DNAH14: variants seen among roughly 807,000 people sequenced by gnomAD.
The protein encoded by DNAH14 is axonemal beta dynein heavy chain 14.
In DNAH14, 478 loss-of-function variants were observed where a neutral mutation model predicts 520.9. The observed-to-expected ratio is 0.92, with a 90% CI of 0.85 to 0.99. DNAH14 has a LOEUF of 0.99. Among genes scored for constraint, DNAH14 ranks in the 50% least tolerant of loss-of-function variants. DNAH14 has a pLI of 0.00. For synonymous variants in DNAH14, 1,581 were observed against 1,757.2 expected, an observed-to-expected ratio of 0.90 and a Z score of 2.51; for missense variants, 4,831 against 5,234.5, an observed-to-expected ratio of 0.92 and a Z score of 2.38.
intron 21 of DNAH14, among the ~76,000 whole-genome samples, chr1:225,091,785 G>A (rs1330424267): frequency 6.6e-6 from 1 of 152,034 alleles, no homozygotes; most frequent in Admixed American, 6.6e-5. Context: ...AGAGTGGCAA[G>A]TTGGATAAAT....
intron 8 of DNAH14, among the ~76,000 whole-genome samples, chr1:224,993,628 C>G (rs1324677916): frequency 6.6e-6 from 1 of 151,638 alleles, no homozygotes; most frequent in Non-Finnish European, 1.5e-5. Context: ...TAAAAAAAAC[C>G]TAACTCTTAG....
chr1:225,181,028 C>T (rs1439998732), intron 36 of DNAH14, among the ~76,000 whole-genome samples: 1 of 152,096 alleles, frequency 6.6e-6, no homozygotes, highest in Non-Finnish European at 1.5e-5. Context: ...CAAATTTCTG[C>T]CCATGTGTAC....
At chr1:225,170,372 C>T (rs867780151) in intron 36 of DNAH14, among the ~76,000 whole-genome samples, 3 of 152,062 alleles carry the variant, frequency 2.0e-5, no homozygotes, top group Admixed American at 6.6e-5. Flanking sequence ...ATTCAGGAGA[C>T]CCATCTCACG....
chr1:225,291,792 A>C (rs1258161391), intron 55 of DNAH14, among the ~76,000 whole-genome samples: 5 of 152,096 alleles, frequency 3.3e-5, no homozygotes, highest in Non-Finnish European at 5.9e-5. Context: ...GTGATAGCTT[A>C]TCATGGTTTT....
intron 78 of DNAH14, 99 bp downstream of exon 78, chr1:225,374,984 T>G: frequency 8.7e-7 from 1 of 1,147,738 alleles, no homozygotes; most frequent in Non-Finnish European, 1.2e-6. Context: ...TGATGTTCAT[T>G]TTTAAAGGCT....
intron 41 of DNAH14, among the ~76,000 whole-genome samples, chr1:225,222,030 TGCTGA>T (rs1558070763): frequency 6.6e-6 from 1 of 152,154 alleles, no homozygotes; most frequent in Admixed American, 6.5e-5. Context: ...TTTTTGGTGG[TGCTGA>T]GCTGTGTGGT....
At chr1:225,093,459 A>G (rs983131347) in intron 21 of DNAH14, among the ~76,000 whole-genome samples, 32 of 152,288 alleles carry the variant, frequency 2.1e-4, no homozygotes, top group Admixed American at 1.7e-3. Context: ...CCCTCAACAA[A>G]CTAGGCTTTC....
At chr1:224,949,648 C>G (rs1191595412) in intron 1 of DNAH14, among the ~76,000 whole-genome samples, 1 of 152,146 alleles carries the variant, frequency 6.6e-6, no homozygotes, top group Non-Finnish European at 1.5e-5. Context: ...GTCAACCACA[C>G]TATTCTTTAT....
intron 1 of DNAH14, among the ~76,000 whole-genome samples, chr1:224,930,085 C>G (rs1369037438): frequency 6.6e-6 from 1 of 152,218 alleles, no homozygotes; most frequent in Non-Finnish European, 1.5e-5. Flanking sequence ...ACGCGAGGTT[C>G]TTCTTAGTTG....
intron 10 of DNAH14, among the ~76,000 whole-genome samples, chr1:225,020,371 T>G (rs2065572796): frequency 6.6e-6 from 1 of 151,292 alleles, no homozygotes; most frequent in South Asian, 2.1e-4. Context: ...GTGGCATGTG[T>G]CTGTAGTTTC....
rs570296060 is a variant in DNAH14 at position 225,337,355 on chromosome 1, G to A, written c.10170G>A (p.Leu3390=). The A allele has an allele frequency of 5.2e-6, 8 of 1,551,676 alleles. No homozygotes were observed. In the Admixed American group the frequency reaches 1.4e-4, roughly 27 times the overall value. Residue 3390 remains leucine, a synonymous_variant, in exon 67 of 86, where the codon CTG becomes CTA. Transcript: ENST00000682510. ...TCAAGAATGGCCAGCAGTGGCCACTGCTGATTGACCCACATAGGCAAGCTC... is the reference window on the plus strand; with the variant it reads ...TCAAGAATGGCCAGCAGTGGCCACTACTGATTGACCCACATAGGCAAGCTC... ...ILIKNGQQWP[L]LIDPHRQAHK...
intron 17 of DNAH14, among the ~76,000 whole-genome samples, chr1:225,053,262 G>C (rs2068714134): frequency 6.6e-6 from 1 of 151,846 alleles, no homozygotes; most frequent in Non-Finnish European, 1.5e-5. Context: ...CACGAAATGG[G>C]GACAGCAAGG....
At chr1:225,276,939 GA>G (rs1164770424) in intron 53 of DNAH14, among the ~76,000 whole-genome samples, 1 of 97,864 alleles carries the variant, frequency 1.0e-5, no homozygotes, top group Non-Finnish European at 2.0e-5. Context: ...ATAAGAAGAA[GA>G]AAAAGGAAGG....
chr1:225,271,150 A>C (rs1430431895), intron 50 of DNAH14, among the ~76,000 whole-genome samples: 1 of 152,196 alleles, frequency 6.6e-6, no homozygotes, highest in Non-Finnish European at 1.5e-5. Flanking sequence ...CCTGGCATGT[A>C]GGAATCTGCA....
intron 23 of DNAH14, among the ~76,000 whole-genome samples, chr1:225,108,412 C>A (rs2076249068): frequency 6.6e-6 from 1 of 152,112 alleles, no homozygotes; most frequent in African/African-American, 2.4e-5. Context: ...TAATAAACTC[C>A]CTTTCATATA....
chr1:225,252,499 AT>A (rs2092592371), intron 44 of DNAH14, 82 bp downstream of exon 44: 1 of 763,754 alleles, frequency 1.3e-6, no homozygotes, highest in African/African-American at 1.8e-5. Context: ...TATCTACTCT[AT>A]TTATAAAAGT....
chr1:225,132,482 T>C (rs2078528478), intron 27 of DNAH14, among the ~76,000 whole-genome samples: 2 of 152,158 alleles, frequency 1.3e-5, no homozygotes, highest in Admixed American at 1.3e-4. Context: ...TGGTTTTCTG[T>C]TCCTGCATTA....
intron 65 of DNAH14, among the ~76,000 whole-genome samples, chr1:225,332,422 G>A (rs545415411): frequency 5.7e-4 from 87 of 152,116 alleles, no homozygotes; most frequent in Non-Finnish European, 1.1e-3. Flanking sequence ...TGCTTAACAT[G>A]CTTTATTTAT....
rs754737687 is a variant in DNAH14 at position 225,377,291 on chromosome 1, C to T, written c.12571C>T (p.Gln4191Ter). Reference protein sequence around the residue: ...ASIKDYIHIIQSLPDDDLPEV... With the variant: ...ASIKDYIHII ...CATAAAGGACTACATACACATTATC[C>T]AGTCCTTACCTGATGATGACCTTCC... is the stretch of plus-strand genomic sequence containing the variant. The change falls in exon 79 of 86, where the codon CAG (glutamine) becomes TAG (stop). Residue 4191 changes from glutamine (Q) to a stop codon, truncating the protein, a stop_gained. Coordinates refer to ENST00000682510, the MANE Select transcript of DNAH14 (RefSeq NM_001367479.1). LOFTEE classifies it high-confidence loss of function. 22 of 1,542,040 alleles carry T rather than the reference C, an allele frequency of 1.4e-5. No homozygotes were observed. The highest frequency in any genetic ancestry group is 1.8e-5 in the Non-Finnish European group (20 of 1,142,496).
Sources: allele counts gnomAD v4.1 joint callset (sites outside exome capture counted in the v4.1 genomes callset), GRCh38; gene constraint gnomAD v4.1.1; transcripts MANE v1.5; gene names NCBI Gene and HGNC (gene_info 2026-07-23, HGNC 2026-07-21).